Variants in RAI2 observed in about 807,000 individuals in gnomAD.
The protein encoded by RAI2 is retinoic acid-induced protein 2.
Under a neutral mutation model 15.3 loss-of-function variants are expected in RAI2, and 5 were observed. That is an observed-to-expected ratio of 0.33 (90% CI 0.17 to 0.69). The LOEUF (loss-of-function observed/expected upper bound fraction) is 0.69, where lower values mean the gene tolerates loss of function less well. RAI2 is among the 30% of genes least tolerant of loss of function. The pLI, the probability that RAI2 is intolerant of heterozygous loss-of-function variation, is 0.69. For synonymous variants in RAI2, 191 were observed against 184.0 expected (o/e 1.04, Z -0.31); for missense variants, 424 against 424.7 (o/e 1.00, Z 0.01).
chrX:17,820,439 G>C (rs1343677676), intron 1 of RAI2, among the ~76,000 whole-genome samples: 1 of 111,949 alleles, frequency 8.9e-6, no homozygotes, highest in South Asian at 3.7e-4. Context: ...GGGTCTCTGG[G>C]ATGCGGCACC....
chrX:17,824,605 A>G (rs899722490), intron 1 of RAI2, among the ~76,000 whole-genome samples: 21 of 111,432 alleles, frequency 1.9e-4, no homozygotes, highest in Middle Eastern at 4.6e-3. Context: ...TTTTGAGCAG[A>G]GCAGCCCCCC....
chrX:17,800,438 T>C lies in RAI2; in HGVS notation c.1573A>G (p.Thr525Ala). The change falls in exon 2 of 2, where the codon ACC becomes GCC. Residue 525 changes from threonine (T) to alanine (A), a missense_variant. Physicochemically the swap from Thr to Ala is moderately conservative, Grantham distance 58. Coordinates refer to ENST00000451717, the MANE Select transcript of RAI2 (RefSeq NM_021785.6). ...GTTATTTACTTTCTTGGAAAAAAGG[T>C]GGCCAGCCGTTGTTTTTTGATTGGG... The part of the protein sequence containing the change: ...MLPIKKQRLA[T>A]FFPRK The C allele has an allele frequency of 8.4e-7, 1 of 1,189,424 alleles. No individual in the cohort carries two copies. Among genetic ancestry groups the C allele is most frequent in the South Asian group, 1.9e-5 (1 of 53,316 alleles).
chrX:17,853,254 T>C (rs1425686465), intron 1 of RAI2, among the ~76,000 whole-genome samples: 2 of 112,234 alleles, frequency 1.8e-5, no homozygotes, highest in Non-Finnish European at 1.9e-5. Context: ...TACAATCTTA[T>C]AGACCCTTCC....
At chrX:17,831,983 C>T (rs1359884799) in intron 1 of RAI2, among the ~76,000 whole-genome samples, 1 of 112,036 alleles carries the variant, frequency 8.9e-6, no homozygotes. Flanking sequence ...GCCTTATTGT[C>T]TCTAATCAAA....
chrX:17,807,099 G>C lies in RAI2; in HGVS notation c.-24-5065C>G, dbSNP rs961594256. On this transcript the variant is annotated intron_variant, in intron 1 of 1. Coordinates refer to ENST00000451717, the MANE Select transcript of RAI2 (RefSeq NM_021785.6). ...TTATTGCAAAGATCTAATTATACCAGAGGCCGGTCTCCCTAGGGTCTGACC... is the reference window on the plus strand; with the variant it reads ...TTATTGCAAAGATCTAATTATACCACAGGCCGGTCTCCCTAGGGTCTGACC... Among the ~76,000 whole-genome samples, 52 of 111,119 alleles carry C rather than the reference G, an allele frequency of 4.7e-4. No homozygotes were observed. In the Admixed American group the frequency reaches 5.0e-3, roughly 11 times the overall value.
intron 1 of RAI2, among the ~76,000 whole-genome samples, chrX:17,843,615 C>T (rs1446496391): frequency 8.9e-6 from 1 of 112,197 alleles, no homozygotes; most frequent in African/African-American, 3.2e-5. Flanking sequence ...AAAATATCCT[C>T]ACTCAAACTA....
intron 1 of RAI2, among the ~76,000 whole-genome samples, chrX:17,826,376 T>C (rs771277377): frequency 1.8e-5 from 2 of 111,353 alleles, no homozygotes; most frequent in East Asian, 2.8e-4. Context: ...TCTTTTTTTT[T>C]CCTTTGTTTT....
In RAI2 at chrX:17,800,413, G is replaced by C. The variant is rs963439108; in HGVS notation, c.*5C>G. The C allele has an allele frequency of 8.5e-7, 1 of 1,173,828 alleles. No homozygotes were observed. The highest frequency in any genetic ancestry group is 3.0e-5 in the East Asian group (1 of 33,457). ...ATAATCATACAAATTTTAAAAAGCC[G>C]TTATTTACTTTCTTGGAAAAAAGGT... On this transcript the variant is annotated 3_prime_UTR_variant, in exon 2 of 2. Transcript: ENST00000451717.
intron 1 of RAI2, among the ~76,000 whole-genome samples, chrX:17,842,300 G>C (rs1472779593): frequency 1.8e-5 from 2 of 111,544 alleles, no homozygotes; most frequent in African/African-American, 6.5e-5. Flanking sequence ...CTGCGAGGGA[G>C]AGGCAGCAAA....
intron 1 of RAI2, among the ~76,000 whole-genome samples, chrX:17,843,383 A>G (rs1164763665): frequency 1.8e-5 from 2 of 112,288 alleles, no homozygotes; most frequent in Non-Finnish European, 1.9e-5. Flanking sequence ...TACTCATGGC[A>G]GCTTTGACAG....
intron 1 of RAI2, among the ~76,000 whole-genome samples, chrX:17,805,522 A>G (rs1001724854): frequency 8.9e-6 from 1 of 112,064 alleles, no homozygotes; most frequent in African/African-American, 3.2e-5. Context: ...CAGATGTCAC[A>G]TGGGTTGGAG....
chrX:17,801,350 A>C lies in RAI2; in HGVS notation c.661T>G (p.Leu221Val). 1 of 1,102,635 alleles carries C rather than the reference A, an allele frequency of 9.1e-7. No homozygotes were observed. Among genetic ancestry groups the C allele is most frequent in the South Asian group, 2.2e-5 (1 of 45,128 alleles). The allele number at this position is 1,102,635 out of a possible 1,213,427, so 90.9% of individuals were successfully genotyped here. A position where few individuals can be genotyped will look rare whatever the true frequency, so the allele number is the denominator to read the frequency against. ...PVPPQPFSSP[L>V]SPLVPPATLL... The stretch of plus-strand genomic sequence containing the variant: ...GTGGCTGGTGGGACCAGGGGGGACA[A>C]GGGGGAGCTAAAAGGCTGTGGGGGC... The change falls in exon 2 of 2, where the codon TTG becomes GTG. Residue 221 changes from leucine (L) to valine (V), a missense_variant. Coordinates refer to ENST00000451717, the MANE Select transcript of RAI2 (RefSeq NM_021785.6).
Position 17,800,760 on chromosome X carries a change from G to T in RAI2, c.1251C>A (p.His417Gln). 8.3e-7 allele frequency: 1 copy of T among 1,211,896 alleles called. No individual in the cohort carries two copies. The highest frequency in any genetic ancestry group is 1.1e-6 in the Non-Finnish European group (1 of 895,590). The change falls in exon 2 of 2, where the codon CAC becomes CAA. Residue 417 changes from histidine (H) to glutamine (Q), a missense_variant. His to Gln is a conservative substitution (Grantham distance 24). Coordinates refer to ENST00000451717, the MANE Select transcript of RAI2 (RefSeq NM_021785.6). Reference protein sequence around the residue: ...AATEMLSQPNHPSGEVKAENN... With the variant: ...AATEMLSQPNQPSGEVKAENN... ...TTTCAGCCTTGACTTCGCCGCTGGGGTGGTTGGGCTGGCTGAGCATCTCGG... is the reference window on the plus strand; with the variant it reads ...TTTCAGCCTTGACTTCGCCGCTGGGTTGGTTGGGCTGGCTGAGCATCTCGG...
intron 1 of RAI2, among the ~76,000 whole-genome samples, chrX:17,848,653 CT>C (rs1405272964): frequency 8.9e-6 from 1 of 111,833 alleles, no homozygotes; most frequent in Non-Finnish European, 1.9e-5. Context: ...GGGAGGCTGG[CT>C]TTTGCCCTCC....
Position 17,808,470 on chromosome X carries a change from C to G in RAI2, c.-24-6436G>C, listed in dbSNP as rs767286347. On this transcript the variant is annotated intron_variant, in intron 1 of 1. Transcript: ENST00000451717. ...CCCCTAAGACTCTGATTTAATTATTCTAGGATGCAGCAGGTGATTCTAATG... is the reference window on the plus strand; with the variant it reads ...CCCCTAAGACTCTGATTTAATTATTGTAGGATGCAGCAGGTGATTCTAATG... Among the ~76,000 whole-genome samples, 3 of 111,365 alleles carry G rather than the reference C, an allele frequency of 2.7e-5. No individual in the cohort carries two copies. In the South Asian group the frequency reaches 1.1e-3, roughly 42 times the overall value.
chrX:17,807,568 C>CA (rs1181588926), intron 1 of RAI2, among the ~76,000 whole-genome samples: 4 of 111,376 alleles, frequency 3.6e-5, no homozygotes, highest in African/African-American at 1.3e-4. Flanking sequence ...AGCTGCAACT[C>CA]AAAAAGGCTG....
chrX:17,824,036 A>AGGTCCACAGT, intron 1 of RAI2, among the ~76,000 whole-genome samples: 1 of 112,717 alleles, frequency 8.9e-6, no homozygotes, highest in African/African-American at 3.2e-5. Flanking sequence ...CCTGGTATAC[A>AGGTCCACAGT]GTCTTGGTGC....
intron 1 of RAI2, among the ~76,000 whole-genome samples, chrX:17,825,831 C>T (rs939170541): frequency 8.9e-6 from 1 of 112,242 alleles, no homozygotes; most frequent in African/African-American, 3.2e-5. Flanking sequence ...ATACAAGTGC[C>T]TATTCCTTGG....
Position 17,800,706 on chromosome X carries a change from C to T in RAI2, c.1305G>A (p.Gln435=), listed in dbSNP as rs767390707. ...CGACAGAGACAATGACCTTGGCCGC[C>T]TGGGACTCGCCCACCATCTCAATGT... ...ENNIEMVGES[Q]AAKVIVSVED... is the part of the protein sequence containing the mutation. Residue 435 remains glutamine (Q), a synonymous_variant, in exon 2 of 2, where the codon CAG becomes CAA. Coordinates refer to ENST00000451717, the MANE Select transcript of RAI2 (RefSeq NM_021785.6). 2.5e-6 allele frequency: 3 copies of T among 1,211,699 alleles called. No homozygotes were observed. Among genetic ancestry groups the T allele is most frequent in the Non-Finnish European group, 3.3e-6 (3 of 895,587 alleles).
Sources: gnomAD v4.1 joint callset for allele counts (sites outside exome capture counted in the v4.1 genomes callset) on GRCh38, gnomAD v4.1.1 for gene constraint, MANE v1.5 for transcripts, NCBI Gene and HGNC (gene_info 2026-07-23, HGNC 2026-07-21) for gene names.